NRAP: variants seen among roughly 807,000 people sequenced by gnomAD.
NRAP encodes nebulin related anchoring protein.
A neutral mutation model predicts 225.9 loss-of-function variants in NRAP; 189 were observed. That is an observed-to-expected ratio of 0.84 (90% CI 0.74 to 0.94). The LOEUF is 0.94. Among genes scored for constraint, NRAP ranks in the 40% least tolerant of loss-of-function variants. The pLI, the probability that NRAP is intolerant of heterozygous loss-of-function variation, is 0.00. For missense variants in NRAP, 2,176 were observed against 2,168.7 expected (o/e 1.00, Z -0.07); for synonymous variants, 769 against 790.7 (o/e 0.97, Z 0.46).
intron 4 of NRAP, among the ~76,000 whole-genome samples, chr10:113,654,557 A>G (rs1014776660): frequency 2.6e-5 from 4 of 151,962 alleles, no homozygotes. Flanking sequence ...TAAGATACTC[A>G]TGACCTACCA....
intron 25 of NRAP, among the ~76,000 whole-genome samples, chr10:113,619,439 A>G (rs1262223220): frequency 1.3e-5 from 2 of 152,074 alleles, no homozygotes; most frequent in East Asian, 3.9e-4. Flanking sequence ...TTGAGTGTTG[A>G]CCAAGGTCCC....
chr10:113,661,548 A>G (rs1850677131), intron 3 of NRAP, among the ~76,000 whole-genome samples: 1 of 152,132 alleles, frequency 6.6e-6, no homozygotes, highest in Non-Finnish European at 1.5e-5. Context: ...TAATTTTCTA[A>G]TTTTAGAAAG....
In NRAP at chr10:113,604,793, C is replaced by A. The variant is rs184690165; in HGVS notation, c.4043G>T (p.Arg1348Met). ...CTGGGCTTGGCTGCTGGTCGCCCCCCTCCTGTACTGAAGCTCGCTCTGCAG... is the reference window on the plus strand; with the variant it reads ...CTGGGCTTGGCTGCTGGTCGCCCCCATCCTGTACTGAAGCTCGCTCTGCAG... The part of the protein sequence containing the change: ...GQLQSELQYR[R>M]GATSSQAQFH... The change falls in exon 35 of 42, where the codon AGG becomes ATG. Residue 1348 changes from arginine (R) to methionine (M), a missense_variant. This residue lies in a region of NRAP where 1,708 missense variants were observed against 1,695.5 expected (regional missense o/e 1.01). Transcript: ENST00000359988. The A allele has an allele frequency of 8.1e-6, 13 of 1,614,062 alleles. No homozygotes were observed. The highest frequency in any genetic ancestry group is 1.0e-5 in the Non-Finnish European group (12 of 1,180,032).
At chr10:113,595,555 A>G (rs1038495103) in intron 38 of NRAP, 68 bp downstream of exon 38, 22 of 996,528 alleles carry the variant, frequency 2.2e-5, no homozygotes, top group Non-Finnish European at 3.3e-5. Flanking sequence ...AAAAAAACGA[A>G]ATCCACATTG....
At chr10:113,643,206 G>T (rs1356955563) in intron 11 of NRAP, among the ~76,000 whole-genome samples, 168 bp from the exon 12 acceptor site, 4 of 152,180 alleles carry the variant, frequency 2.6e-5, no homozygotes, top group Non-Finnish European at 4.4e-5. Flanking sequence ...TTATAAAAAT[G>T]AATCATAATA....
rs10529111 is a variant in NRAP at position 113,600,155 on chromosome 10, T to TTCTCTCTCTCTCTCTCTCTCTCTCTCTC, written c.4228-2110_4228-2083dup. Among the ~76,000 whole-genome samples the TTCTCTCTCTCTCTCTCTCTCTCTCTCTC allele has an allele frequency of 1.9e-3, 273 of 140,282 alleles. 7 individuals are homozygous for TTCTCTCTCTCTCTCTCTCTCTCTCTCTC. The highest frequency in any genetic ancestry group is 7.1e-3 in the African/African-American group (264 of 37,180). 92.0% of individuals were successfully genotyped at this position (140,282 alleles called of 152,430 possible). ...ACCATCCTGCAAAGAAGGGGTTATA[T>TTCTCTCTCTCTCTCTCTCTCTCTCTCTC]TCTCTCTCTCTCTCTCTCTCTCTCT... On this transcript the variant is annotated intron_variant, in intron 35 of 41. Coordinates refer to ENST00000359988, the MANE Select transcript of NRAP (RefSeq NM_198060.4).
At chr10:113,589,503 G>C in intron 41 of NRAP, 163 bp downstream of exon 41, 2 of 756,708 alleles carry the variant, frequency 2.6e-6, no homozygotes, top group Non-Finnish European at 4.2e-6. Flanking sequence ...CATCTGCCTG[G>C]TCATCTCAGA....
intron 9 of NRAP, among the ~76,000 whole-genome samples, chr10:113,649,043 G>C (rs1000598582): frequency 2.0e-5 from 3 of 152,124 alleles, no homozygotes; most frequent in African/African-American, 7.2e-5. Context: ...TACAAAACCA[G>C]TAAAAACATT....
intron 4 of NRAP, among the ~76,000 whole-genome samples, chr10:113,656,485 G>A (rs1850314927): frequency 1.3e-5 from 2 of 152,062 alleles, no homozygotes; most frequent in East Asian, 3.9e-4. Context: ...CCTTAACCTT[G>A]GCAAAATAAA....
chr10:113,651,870 C>T lies in NRAP; in HGVS notation c.608G>A (p.Arg203Lys), dbSNP rs777822088. Residue 203 changes from arginine (R) to lysine (K), a missense_variant, in exon 7 of 42, where the codon AGG (arginine) becomes AAG (lysine). By Grantham distance (26) the Arg-to-Lys change is conservative. Coordinates refer to ENST00000359988, the MANE Select transcript of NRAP (RefSeq NM_198060.4). ...YKRGHDERIS[R>K]FSTVVDTPEL... ...AGGAGTATCCACCACCGTGGAGAAC[C>T]TGGAGATGCGTTCATCATGCCCTCT... 1.2e-6 allele frequency: 2 copies of T among 1,613,404 alleles called. No homozygotes were observed. The highest frequency in any genetic ancestry group is 1.1e-5 in the South Asian group (1 of 91,058).
intron 34 of NRAP, among the ~76,000 whole-genome samples, chr10:113,605,427 G>A (rs1241990071): frequency 6.6e-6 from 1 of 152,192 alleles, no homozygotes; most frequent in African/African-American, 2.4e-5. Context: ...CGGCTGTATT[G>A]CAATTTCTAT....
chr10:113,594,379 C>T (rs1156384147), intron 38 of NRAP, among the ~76,000 whole-genome samples: 12 of 152,162 alleles, frequency 7.9e-5, no homozygotes, highest in Non-Finnish European at 5.9e-5. Context: ...CTCTGCAGAC[C>T]GGCATCCCTT....
chr10:113,629,748 C>A lies in NRAP; in HGVS notation c.1880G>T (p.Arg627Leu), dbSNP rs779925637. ...TACCATATCCATGGGCAGGTGAAAC[C>A]GGGTCTTACTCTCTTCAAAGCCTTT... is the stretch of plus-strand genomic sequence containing the variant. ...YKKGFEESKTRFHLPMDMVNI... is the reference protein window; with the variant it reads ...YKKGFEESKTLFHLPMDMVNI... Residue 627 changes from arginine to leucine, a missense_variant, in exon 19 of 42, where the codon CGG becomes CTG. Coordinates refer to ENST00000359988, the MANE Select transcript of NRAP (RefSeq NM_198060.4). The A allele has an allele frequency of 6.2e-7, 1 of 1,613,976 alleles. No individual in the cohort carries two copies. Among genetic ancestry groups the A allele is most frequent in the South Asian group, 1.1e-5 (1 of 91,082 alleles).
At chr10:113,601,984 CA>C (rs1244562907) in intron 35 of NRAP, among the ~76,000 whole-genome samples, 1 of 152,172 alleles carries the variant, frequency 6.6e-6, no homozygotes, top group African/African-American at 2.4e-5. Context: ...CTCCTGGGCT[CA>C]AGCCATCCTC....
At chr10:113,628,443 C>A (rs1438268402) in intron 20 of NRAP, among the ~76,000 whole-genome samples, 1 of 152,122 alleles carries the variant, frequency 6.6e-6, no homozygotes, top group East Asian at 1.9e-4. Flanking sequence ...CCACCTAGGC[C>A]TCCTAAAGTA....
rs1253827599 is a variant in NRAP, at chr10:113,623,581, A to G, written c.2405T>C (p.Leu802Pro). 3.1e-6 allele frequency: 5 copies of G among 1,613,874 alleles called. No homozygotes were observed. In the African/African-American group the frequency reaches 6.7e-5, roughly 22 times the overall value. The change falls in exon 23 of 42, where the codon CTT (leucine) becomes CCT (proline). Residue 802 changes from leucine to proline, a missense_variant. By Grantham distance (98) the Leu-to-Pro change is moderately conservative. This residue lies in a region of NRAP where 1,708 missense variants were observed against 1,695.5 expected (regional missense o/e 1.01). Coordinates refer to ENST00000359988, the MANE Select transcript of NRAP (RefSeq NM_198060.4). ...GGCTGCCAGGAAGGTCAAGGAATCA[A>G]GACGCAGCTCAAACCCTTTTGCTTT... ...NQKAKGFELRLDSLTFLAAKA... is the reference protein window; with the variant it reads ...NQKAKGFELRPDSLTFLAAKA...
At chr10:113,625,259 C>T (rs987344466) in intron 21 of NRAP, among the ~76,000 whole-genome samples, 1 of 152,128 alleles carries the variant, frequency 6.6e-6, no homozygotes, top group African/African-American at 2.4e-5. Flanking sequence ...AAAAAAATAC[C>T]CCACCAGGGG....
chr10:113,650,322 A>C, intron 8 of NRAP, 116 bp downstream of exon 8: 2 of 853,832 alleles, frequency 2.3e-6, no homozygotes, highest in Non-Finnish European at 3.9e-6. Context: ...ACTATAAAGG[A>C]AAACTACTCC....
In NRAP at chr10:113,646,987, C is replaced by A. The variant is rs750386838; in HGVS notation, c.929G>T (p.Ser310Ile). ...EEYEEHRGKG[S>I]FPAMITPAYQ... ...TGCTGGAGTGATCATAGCTGGGAAG[C>A]TGCCCTTTCCCCTGTGCTCCTCATA... The change falls in exon 10 of 42, where the codon AGC (serine) becomes ATC (isoleucine). Residue 310 changes from serine (S) to isoleucine (I), a missense_variant. Ser to Ile is a moderately radical substitution (Grantham distance 142). Transcript: ENST00000359988. The A allele has an allele frequency of 1.2e-6, 2 of 1,614,092 alleles. No homozygotes were observed. Among genetic ancestry groups the A allele is most frequent in the Non-Finnish European group, 1.7e-6 (2 of 1,179,958 alleles).
Sources: gnomAD v4.1 joint callset for allele counts (sites outside exome capture counted in the v4.1 genomes callset) on GRCh38, gnomAD v4.1.1 for gene constraint, gnomAD v4.1.1 regional missense constraint, MANE v1.5 for transcripts, NCBI Gene and HGNC (gene_info 2026-07-23, HGNC 2026-07-21) for gene names.